Variants in ITGA8 observed in about 807,000 individuals in gnomAD.
ITGA8 encodes the protein integrin alpha-8.
Under a neutral mutation model 142.3 loss-of-function variants are expected in ITGA8, and 91 were observed. The ratio of observed to expected loss-of-function variants is 0.64; its 90% CI spans 0.54 to 0.76. The LOEUF is 0.76. Among genes scored for constraint, ITGA8 ranks in the 30% least tolerant of loss-of-function variants. The probability of loss-of-function intolerance (pLI) is 0.00; values close to 1 mark genes in which losing one functional copy is unlikely to be tolerated. For synonymous variants in ITGA8, 505 were observed against 485.2 expected (o/e 1.04, Z -0.54); for missense variants, 1,406 against 1,327.7 (o/e 1.06, Z -0.92).
intron 13 of ITGA8, among the ~76,000 whole-genome samples, chr10:15,628,446 C>T (rs1054683828): frequency 4.7e-5 from 7 of 148,368 alleles, no homozygotes; most frequent in Admixed American, 3.4e-4. Flanking sequence ...CATTCTCCTG[C>T]CTCAGCCTCC....
chr10:15,558,048 G>C, intron 26 of ITGA8, 26 bp downstream of exon 26: 1 of 1,613,180 alleles, frequency 6.2e-7, no homozygotes. Flanking sequence ...ATTTCCCTCA[G>C]TTCTATGCAC....
At chr10:15,555,701 CTTT>C (rs36008836) in intron 26 of ITGA8, among the ~76,000 whole-genome samples, 4 of 145,606 alleles carry the variant, frequency 2.7e-5, no homozygotes, top group Non-Finnish European at 1.5e-5. Context: ...TCCACCTTCC[CTTT>C]TTTTTTTTTG....
At chr10:15,660,152 T>C (rs1218623702) in intron 9 of ITGA8, among the ~76,000 whole-genome samples, 2 of 152,224 alleles carry the variant, frequency 1.3e-5, no homozygotes, top group Non-Finnish European at 2.9e-5. Flanking sequence ...AACCATGGCA[T>C]CCTCCACAAT....
At chr10:15,545,743 G>C (rs1200173771) in intron 27 of ITGA8, among the ~76,000 whole-genome samples, 1 of 151,046 alleles carries the variant, frequency 6.6e-6, no homozygotes, top group African/African-American at 2.4e-5. Context: ...TCAGTATTGT[G>C]TGCCTGAGAT....
Position 15,515,231 on chromosome 10 carries a change from G to A in ITGA8, c.*1927C>T, listed in dbSNP as rs937456493. On this transcript the variant is annotated 3_prime_UTR_variant, in exon 30 of 30. Transcript: ENST00000378076. ...AGACTAACACCAAAGACCCCCAGAGGCTGGTGTGGACACCCCTTAATTCTT... is the reference window on the plus strand; with the variant it reads ...AGACTAACACCAAAGACCCCCAGAGACTGGTGTGGACACCCCTTAATTCTT... The A allele has an allele frequency of 6.6e-6, 1 of 152,232 alleles. No homozygotes were observed. The highest frequency in any genetic ancestry group is 2.4e-5 in the African/African-American group (1 of 41,432). The allele number at this position is 152,232 out of a possible 1,614,324, so 9.4% of individuals were successfully genotyped here. A position where few individuals can be genotyped will look rare whatever the true frequency, so the allele number is the denominator to read the frequency against.
chr10:15,607,520 A>G (rs1315985016), intron 17 of ITGA8, among the ~76,000 whole-genome samples, 157 bp downstream of exon 17: 1 of 152,218 alleles, frequency 6.6e-6, no homozygotes, highest in Non-Finnish European at 1.5e-5. Context: ...CAGGGTCAAG[A>G]GGAGAGTATT....
At chr10:15,694,308 ATATAT>A (rs1214264331) in intron 2 of ITGA8, among the ~76,000 whole-genome samples, 2 of 97,680 alleles carry the variant, frequency 2.0e-5, no homozygotes, top group African/African-American at 7.2e-5. Context: ...ATATATGATA[ATATAT>A]CATATATATG....
Position 15,644,222 on chromosome 10 carries a change from C to T in ITGA8, c.1208-1G>A, listed in dbSNP as rs1412398471. On this transcript the variant is annotated splice_acceptor_variant, in intron 12 of 29. Coordinates refer to ENST00000378076, the MANE Select transcript of ITGA8 (RefSeq NM_003638.3). LOFTEE classifies it high-confidence loss of function. The stretch of plus-strand genomic sequence containing the variant: ...GCAAAAGGCACTCCGATGGCAATGT[C>T]TAAAAACAGACATAAAACATGTTTT... 1 of 1,611,826 alleles carries T rather than the reference C, an allele frequency of 6.2e-7. No homozygotes were observed. Among genetic ancestry groups the T allele is most frequent in the African/African-American group, 1.3e-5 (1 of 74,692 alleles).
At chr10:15,655,998 C>T (rs921173881) in intron 10 of ITGA8, among the ~76,000 whole-genome samples, 2 of 152,022 alleles carry the variant, frequency 1.3e-5, no homozygotes, top group Non-Finnish European at 2.9e-5. Context: ...GTGGGAGGAT[C>T]GCCTGAGCCT....
intron 3 of ITGA8, among the ~76,000 whole-genome samples, chr10:15,684,742 C>T (rs1386624760): frequency 6.6e-6 from 1 of 151,940 alleles, no homozygotes; most frequent in East Asian, 1.9e-4. Context: ...AAGCGAATAA[C>T]TCATATTTCT....
chr10:15,703,460 A>G (rs1287398520), intron 2 of ITGA8, among the ~76,000 whole-genome samples: 2 of 152,210 alleles, frequency 1.3e-5, no homozygotes, highest in Non-Finnish European at 2.9e-5. Context: ...GTCAGGAAAT[A>G]CCTATGGATT....
intron 23 of ITGA8, among the ~76,000 whole-genome samples, chr10:15,583,283 T>C (rs535960601): frequency 6.6e-6 from 1 of 152,074 alleles, no homozygotes; most frequent in South Asian, 2.1e-4. Flanking sequence ...AAACACCACA[T>C]GTTCTCACTC....
At chr10:15,619,704 A>G (rs1285064640) in intron 13 of ITGA8, among the ~76,000 whole-genome samples, 1 of 143,132 alleles carries the variant, frequency 7.0e-6, no homozygotes, top group Admixed American at 7.5e-5. Flanking sequence ...ACAGATTGGT[A>G]CTTTTTTTTT....
At chr10:15,564,916 A>C (rs556574050) in intron 25 of ITGA8, among the ~76,000 whole-genome samples, 2 of 152,386 alleles carry the variant, frequency 1.3e-5, no homozygotes, top group South Asian at 4.1e-4. Flanking sequence ...TCTTTAAGAC[A>C]TGAATGTTGA....
rs377369847 is a variant in ITGA8 at position 15,665,798 on chromosome 10, G to C, written c.848-4876C>G. The stretch of plus-strand genomic sequence containing the variant: ...AATCCTTTCCCCATTGCTTGTTTTT[G>C]TCAGGTTTGTCAAAGATCAGATAGT... On this transcript the variant is annotated intron_variant, in intron 8 of 29. Coordinates refer to ENST00000378076, the MANE Select transcript of ITGA8 (RefSeq NM_003638.3). 8.6e-3 allele frequency among the ~76,000 whole-genome samples: 1,309 copies of C among 152,078 alleles called. 22 individuals are homozygous for C. The highest frequency in any genetic ancestry group is 0.03 in the African/African-American group (1,245 of 41,472).
At chr10:15,566,123 T>C in intron 25 of ITGA8, among the ~76,000 whole-genome samples, 1 of 152,160 alleles carries the variant, frequency 6.6e-6, no homozygotes, top group East Asian at 1.9e-4. Flanking sequence ...AACATAACTC[T>C]AAAACTCTCA....
Position 15,644,486 on chromosome 10 carries a change from AT to A in ITGA8, c.1208-266del, listed in dbSNP as rs1564389069. 7.4e-3 allele frequency among the ~76,000 whole-genome samples: 69 copies of A among 9,348 alleles called. 3 individuals carry two copies. Among genetic ancestry groups the A allele is most frequent in the East Asian group, 0.015 (3 of 196 alleles). 6.1% of individuals were successfully genotyped at this position (9,348 alleles called of 152,430 possible). On this transcript the variant is annotated intron_variant, in intron 12 of 29. Transcript: ENST00000378076. ...TATATATATATATATATATATATAT[AT>A]ATATAGAATTTTTTTTTTTTTTTGA...
chr10:15,538,981 A>G (rs1833513948), intron 27 of ITGA8, among the ~76,000 whole-genome samples: 2 of 118,246 alleles, frequency 1.7e-5, no homozygotes, highest in Admixed American at 2.1e-4. Flanking sequence ...TTTTTTTTTA[A>G]CGTTTCCTTA....
At chr10:15,710,976 A>G (rs1018632157) in intron 2 of ITGA8, among the ~76,000 whole-genome samples, 1 of 152,220 alleles carries the variant, frequency 6.6e-6, no homozygotes, top group Non-Finnish European at 1.5e-5. Context: ...TATGTCAAAT[A>G]TCAGAGCTGA....
Sources: gnomAD v4.1 joint callset for allele counts (sites outside exome capture counted in the v4.1 genomes callset) on GRCh38, gnomAD v4.1.1 for gene constraint, MANE v1.5 for transcripts, NCBI Gene and HGNC (gene_info 2026-07-23, HGNC 2026-07-21) for gene names.